Variants in RNGTT observed in about 807,000 individuals in gnomAD.
RNGTT encodes the protein RNA guanylyltransferase and 5'-phosphatase.
A neutral mutation model predicts 79.3 loss-of-function variants in RNGTT; 33 were observed. That is an observed-to-expected ratio of 0.42 (90% CI 0.32 to 0.56). The LOEUF (loss-of-function observed/expected upper bound fraction) is 0.56. RNGTT is among the 20% of genes least tolerant of loss of function. The pLI, the probability that RNGTT is intolerant of heterozygous loss-of-function variation, is 0.17. For missense variants in RNGTT, 497 were observed against 739.1 expected (o/e 0.67, Z 3.80); for synonymous variants, 222 against 235.9 (o/e 0.94, Z 0.54).
intron 12 of RNGTT, among the ~76,000 whole-genome samples, chr6:88,796,460 G>C (rs1198453516): frequency 6.6e-6 from 1 of 152,032 alleles, no homozygotes; most frequent in Admixed American, 6.6e-5. Context: ...AATCTGACAT[G>C]GTCTTTTTTA....
At chr6:88,844,005 A>G (rs998099228) in intron 11 of RNGTT, among the ~76,000 whole-genome samples, 20 of 151,598 alleles carry the variant, frequency 1.3e-4, no homozygotes, top group Admixed American at 8.5e-4. Flanking sequence ...AAGAGTACGT[A>G]CCAAACACTT....
At chr6:88,844,035 A>G (rs1256602638) in intron 11 of RNGTT, among the ~76,000 whole-genome samples, 3 of 151,784 alleles carry the variant, frequency 2.0e-5, no homozygotes, top group African/African-American at 4.8e-5. Context: ...GATGTGTAGG[A>G]GCAGGCCTAA....
chr6:88,702,138 G>A (rs942553322), intron 13 of RNGTT, among the ~76,000 whole-genome samples: 4 of 152,020 alleles, frequency 2.6e-5, no homozygotes, highest in Admixed American at 6.6e-5. Flanking sequence ...TGGCCATACT[G>A]CCCAAAATAA....
intron 2 of RNGTT, among the ~76,000 whole-genome samples, chr6:88,932,839 A>G (rs2127955305): frequency 6.6e-6 from 1 of 152,266 alleles, no homozygotes; most frequent in South Asian, 2.1e-4. Flanking sequence ...GCACACCTAA[A>G]CTGAGGCTAA....
intron 13 of RNGTT, among the ~76,000 whole-genome samples, chr6:88,730,811 T>A (rs1307969883): frequency 1.3e-5 from 2 of 152,126 alleles, no homozygotes; most frequent in East Asian, 3.9e-4. Flanking sequence ...TCATTCAACA[T>A]AACAAAGGCC....
intron 12 of RNGTT, among the ~76,000 whole-genome samples, chr6:88,801,049 C>T (rs1322588118): frequency 6.6e-6 from 1 of 152,022 alleles, no homozygotes; most frequent in Non-Finnish European, 1.5e-5. Context: ...TATGATTCGA[C>T]CATTAAGTTG....
chr6:88,938,277 T>G (rs1311537467), intron 2 of RNGTT, among the ~76,000 whole-genome samples: 3 of 152,208 alleles, frequency 2.0e-5, no homozygotes, highest in Non-Finnish European at 4.4e-5. Context: ...TTTATCATTA[T>G]ATAATGACCT....
At chr6:88,664,506 G>C (rs1278894265) in intron 14 of RNGTT, among the ~76,000 whole-genome samples, 3 of 152,182 alleles carry the variant, frequency 2.0e-5, no homozygotes, top group Non-Finnish European at 4.4e-5. Flanking sequence ...GAGCCGCAAA[G>C]AAGGTGAATG....
intron 12 of RNGTT, among the ~76,000 whole-genome samples, chr6:88,797,584 T>C (rs1261405433): frequency 1.3e-5 from 2 of 152,064 alleles, no homozygotes; most frequent in Non-Finnish European, 2.9e-5. Flanking sequence ...TGATAAAAAG[T>C]AAACAGTTCT....
Position 88,693,935 on chromosome 6 carries a change from C to T in RNGTT, c.1440-15516G>A, listed in dbSNP as rs550071264. 5.3e-5 allele frequency among the ~76,000 whole-genome samples: 8 copies of T among 152,104 alleles called. No individual in the cohort carries two copies. The South Asian group carries it at 8.3e-4, about 16-fold the overall frequency. Reference sequence around the variant, plus strand: ...GATAGAAAAAATTCTCAAATAGGTACGAATAAAATGTACCTCAACATACTA... The same window carrying T: ...GATAGAAAAAATTCTCAAATAGGTATGAATAAAATGTACCTCAACATACTA... On this transcript the variant is annotated intron_variant, in intron 13 of 15. Coordinates refer to ENST00000369485, the MANE Select transcript of RNGTT (RefSeq NM_003800.5).
intron 4 of RNGTT, among the ~76,000 whole-genome samples, chr6:88,915,876 A>G (rs1188085763): frequency 6.6e-6 from 1 of 152,260 alleles, no homozygotes; most frequent in Non-Finnish European, 1.5e-5. Flanking sequence ...TTTGTCAGGC[A>G]ATATTTGCTG....
chr6:88,836,048 T>C (rs1781067578), intron 11 of RNGTT, among the ~76,000 whole-genome samples: 1 of 147,324 alleles, frequency 6.8e-6, no homozygotes, highest in African/African-American at 2.5e-5. Flanking sequence ...TTTACATATA[T>C]ATATATATAT....
At chr6:88,895,833 T>C (rs6916202) in intron 6 of RNGTT, among the ~76,000 whole-genome samples, 43,893 of 152,030 alleles carry the variant, frequency 0.29, 7,341 homozygotes, top group East Asian at 0.64. Flanking sequence ...TTCAGTCCCC[T>C]TTCTTCTCTG....
intron 11 of RNGTT, among the ~76,000 whole-genome samples, chr6:88,825,983 A>C (rs934413400): frequency 2.6e-5 from 4 of 152,190 alleles, no homozygotes; most frequent in Non-Finnish European, 5.9e-5. Flanking sequence ...ATTCAAACCA[A>C]TTTTACAATT....
chr6:88,774,620 A>C (rs1005198154), intron 12 of RNGTT, among the ~76,000 whole-genome samples: 1 of 152,222 alleles, frequency 6.6e-6, no homozygotes, highest in South Asian at 2.1e-4. Context: ...GTATATACAT[A>C]TATTATCCAA....
chr6:88,633,343 A>G lies in RNGTT; in HGVS notation c.1507-18948T>C, dbSNP rs570805840. On this transcript the variant is annotated intron_variant, in intron 14 of 15. Coordinates refer to ENST00000369485, the MANE Select transcript of RNGTT (RefSeq NM_003800.5). The stretch of plus-strand genomic sequence containing the variant: ...GATTTTAAAACATTACATGGCTTTC[A>G]TCCTTGGACCAGGGTCTCTTGCTCT... Among the ~76,000 whole-genome samples the G allele has an allele frequency of 2.6e-5, 4 of 152,168 alleles. No homozygotes were observed. In the East Asian group the frequency reaches 7.7e-4, roughly 29 times the overall value.
intron 8 of RNGTT, among the ~76,000 whole-genome samples, chr6:88,879,529 G>A (rs1782627996): frequency 6.6e-6 from 1 of 152,276 alleles, no homozygotes; most frequent in South Asian, 2.1e-4. Flanking sequence ...TAGGGCACAT[G>A]TAGTATGACC....
chr6:88,827,324 A>G (rs946186946), intron 11 of RNGTT, among the ~76,000 whole-genome samples: 1 of 152,140 alleles, frequency 6.6e-6, no homozygotes, highest in Admixed American at 6.5e-5. Context: ...GGAAGCCATG[A>G]CGGACTGTGC....
intron 8 of RNGTT, among the ~76,000 whole-genome samples, chr6:88,879,370 G>A (rs918378095): frequency 3.3e-5 from 5 of 152,128 alleles, no homozygotes; most frequent in African/African-American, 1.2e-4. Flanking sequence ...CTCCAGCCTG[G>A]GTGTCAGAGT....
Sources: gnomAD v4.1 joint callset for allele counts (sites outside exome capture counted in the v4.1 genomes callset) on GRCh38, gnomAD v4.1.1 for gene constraint, MANE v1.5 for transcripts, NCBI Gene and HGNC (gene_info 2026-07-23, HGNC 2026-07-21) for gene names.